NNT: variants seen among roughly 807,000 people sequenced by gnomAD.
The protein encoded by NNT is NAD(P) transhydrogenase, mitochondrial.
In NNT, 50 loss-of-function variants were observed where a neutral mutation model predicts 104.8. That is an observed-to-expected ratio of 0.48 (90% CI 0.38 to 0.60). The LOEUF is 0.60. Among genes scored for constraint, NNT ranks in the 20% least tolerant of loss-of-function variants. The pLI, the probability that NNT is intolerant of heterozygous loss-of-function variation, is 0.00. For missense variants in NNT, 1,131 were observed against 1,330.7 expected (o/e 0.85, Z 2.33); for synonymous variants, 461 against 490.4 (o/e 0.94, Z 0.79).
intron 5 of NNT, among the ~76,000 whole-genome samples, chr5:43,621,129 T>A (rs1750065518): frequency 6.6e-6 from 1 of 152,202 alleles, no homozygotes; most frequent in Non-Finnish European, 1.5e-5. Context: ...ACATGGAGGG[T>A]TCTTACCTGT....
chr5:43,611,806 T>C (rs1579971155), intron 2 of NNT, among the ~76,000 whole-genome samples: 1 of 152,174 alleles, frequency 6.6e-6, no homozygotes, highest in East Asian at 1.9e-4. Flanking sequence ...AAACAGATAC[T>C]CTTCATTAAA....
intron 17 of NNT, among the ~76,000 whole-genome samples, chr5:43,670,124 G>A (rs949077664): frequency 6.6e-6 from 1 of 152,072 alleles, no homozygotes; most frequent in African/African-American, 2.4e-5. Context: ...GATTGGTGGT[G>A]ATATTCTCCT....
intron 17 of NNT, among the ~76,000 whole-genome samples, chr5:43,671,376 C>T (rs111716816): frequency 2.0e-5 from 3 of 152,252 alleles, no homozygotes; most frequent in Non-Finnish European, 2.9e-5. Context: ...TTCTTCCTAG[C>T]CTCGATGGTC....
At position 43,706,769 on chromosome 5, in the gene NNT, A is replaced by T. The variant is rs1401463483; in HGVS notation, c.*2365A>T. The T allele has an allele frequency of 1.3e-5, 2 of 152,206 alleles. No individual in the cohort carries two copies. The highest frequency in any genetic ancestry group is 2.9e-5 in the Non-Finnish European group (2 of 68,032). 9.4% of individuals were successfully genotyped at this position (152,206 alleles called of 1,614,324 possible). On this transcript the variant is annotated 3_prime_UTR_variant, in exon 22 of 22. Transcript: ENST00000344920. Reference sequence around the variant, plus strand: ...TGATTAAGAAAATGTGCACATATACACCATGGAATACTATGCAGCCATAAA... The same window carrying T: ...TGATTAAGAAAATGTGCACATATACTCCATGGAATACTATGCAGCCATAAA...
rs766791077 is a variant in NNT, at chr5:43,644,951, T to C, written c.1290+149T>C. 7.1e-4 allele frequency: 440 copies of C among 616,572 alleles called. 1 individual carries two copies. The highest frequency in any genetic ancestry group is 1.0e-3 in the Non-Finnish European group (401 of 396,386). 38.2% of individuals were successfully genotyped at this position (616,572 alleles called of 1,614,324 possible). A position where few individuals can be genotyped will look rare whatever the true frequency, so the allele number is the denominator to read the frequency against. ...TATGCTGATAAAAATTATTTGTAAATGCAGAATGATTTAAAGAAAAATATT... is the reference window on the plus strand; with the variant it reads ...TATGCTGATAAAAATTATTTGTAAACGCAGAATGATTTAAAGAAAAATATT... On this transcript the variant is annotated intron_variant, in intron 9 of 21. Transcript: ENST00000344920.
chr5:43,616,297 T>C (rs943280615), intron 4 of NNT, among the ~76,000 whole-genome samples: 5 of 152,222 alleles, frequency 3.3e-5, no homozygotes, highest in African/African-American at 1.2e-4. Flanking sequence ...AGAGTAGTAA[T>C]GTTTCCATTC....
At chr5:43,686,758 G>T (rs1052696020) in intron 19 of NNT, among the ~76,000 whole-genome samples, 2 of 152,076 alleles carry the variant, frequency 1.3e-5, no homozygotes, top group Non-Finnish European at 2.9e-5. Context: ...AATTGTGTCT[G>T]CCAGGTGTTG....
At chr5:43,625,172 C>T (rs758302876) in intron 6 of NNT, among the ~76,000 whole-genome samples, 4 of 152,042 alleles carry the variant, frequency 2.6e-5, no homozygotes, top group Non-Finnish European at 4.4e-5. Context: ...CATAGAAAGC[C>T]GGTCGTTTAA....
intron 12 of NNT, among the ~76,000 whole-genome samples, chr5:43,651,476 G>C (rs1291382987): frequency 2.0e-5 from 3 of 152,100 alleles, no homozygotes; most frequent in Admixed American, 1.3e-4. Flanking sequence ...CACTCGGGGG[G>C]CTGAGGCAGG....
intron 7 of NNT, 103 bp from the exon 8 acceptor site, chr5:43,644,089 C>T (rs1244297617): frequency 1.8e-6 from 2 of 1,114,824 alleles, no homozygotes; most frequent in East Asian, 4.8e-5. Flanking sequence ...GTTAAAATTT[C>T]AGATGTTAAA....
chr5:43,650,719 G>A, intron 12 of NNT, 132 bp downstream of exon 12: 1 of 591,130 alleles, frequency 1.7e-6, no homozygotes, highest in East Asian at 2.9e-5. Flanking sequence ...TCTTTTTGCA[G>A]GAAAATTAGT....
chr5:43,675,871 T>A, intron 18 of NNT, among the ~76,000 whole-genome samples: 1 of 152,160 alleles, frequency 6.6e-6, no homozygotes, highest in East Asian at 1.9e-4. Context: ...ACATGGAAAT[T>A]CTATAAATTC....
chr5:43,642,959 C>G (rs1410641491), intron 7 of NNT, among the ~76,000 whole-genome samples: 1 of 152,196 alleles, frequency 6.6e-6, no homozygotes, highest in African/African-American at 2.4e-5. Context: ...GAGTTTCACT[C>G]TGTTGTCCCG....
chr5:43,660,029 C>A (rs746045873), intron 17 of NNT, among the ~76,000 whole-genome samples: 25 of 152,080 alleles, frequency 1.6e-4, no homozygotes, highest in Non-Finnish European at 2.9e-4. Flanking sequence ...ATTAAAAATT[C>A]TTTTAAAATA....
At position 43,649,244 on chromosome 5, in the gene NNT, T is replaced by C. The variant is rs1739621634; in HGVS notation, c.1542T>C (p.His514=). 6.2e-7 allele frequency: 1 copy of C among 1,614,086 alleles called. No homozygotes were observed. The highest frequency in any genetic ancestry group is 1.7e-5 in the Admixed American group (1 of 60,006). ...TFGLAGIVGY[H]TVWGVTPALH... ...GCTTGGCTGGCATTGTGGGGTATCA[T>C]ACCGTCTGGGGAGTGACCCCTGCTC... is the stretch of plus-strand genomic sequence containing the variant. Residue 514 remains histidine (H), a synonymous_variant, in exon 11 of 22, where the codon CAT becomes CAC. Coordinates refer to ENST00000344920, the MANE Select transcript of NNT (RefSeq NM_182977.3).
intron 15 of NNT, 65 bp downstream of exon 15, chr5:43,656,138 A>C (rs927913922): frequency 1.5e-6 from 2 of 1,339,936 alleles, no homozygotes; most frequent in African/African-American, 2.9e-5. Flanking sequence ...GATCCATTTT[A>C]ATTTCAGAAA....
chr5:43,691,064 T>TGAGAGAGA lies in NNT; in HGVS notation c.2877-9048_2877-9047insAGAGAGAG, dbSNP rs377384780. On this transcript the variant is annotated intron_variant, in intron 19 of 21. Coordinates refer to ENST00000344920, the MANE Select transcript of NNT (RefSeq NM_182977.3). ...CTGGCCAACTGATCCAGAATTTTTT[T>TGAGAGAGA]GAGAGAGTGTGTGTGTGTGTGTGTG... Among the ~76,000 whole-genome samples, 972 of 144,818 alleles carry TGAGAGAGA rather than the reference T, an allele frequency of 6.7e-3. 6 individuals are homozygous for TGAGAGAGA. The highest frequency in any genetic ancestry group is 0.025 in the Middle Eastern group (7 of 280).
Position 43,653,163 on chromosome 5 carries a change from C to T in NNT, c.2009C>T (p.Pro670Leu). 1 of 1,614,150 alleles carries T rather than the reference C, an allele frequency of 6.2e-7. No individual in the cohort carries two copies. The highest frequency in any genetic ancestry group is 1.1e-5 in the South Asian group (1 of 91,080). Residue 670 changes from proline to leucine, a missense_variant, in exon 14 of 22, where the codon CCA (proline) becomes CTA (leucine). Pro to Leu is a moderately conservative substitution (Grantham distance 98). Transcript: ENST00000344920. The part of the protein sequence containing the change: ...AATLGVLKPG[P>L]ELLAQMSGAM... ...ACCCTCGGAGTCCTAAAACCGGGCC[C>T]AGAATTACTAGCTCAGATGTCTGGA...
At chr5:43,692,229 G>C (rs1345768819) in intron 19 of NNT, among the ~76,000 whole-genome samples, 1 of 152,248 alleles carries the variant, frequency 6.6e-6, no homozygotes, top group South Asian at 2.1e-4. Context: ...TTAGAGTAAG[G>C]GAACAGGGGC....
Sources: allele counts gnomAD v4.1 joint callset (sites outside exome capture counted in the v4.1 genomes callset), GRCh38; gene constraint gnomAD v4.1.1; transcripts MANE v1.5; gene names NCBI Gene and HGNC (gene_info 2026-07-23, HGNC 2026-07-21).